The following STPG2 variants were observed in gnomAD, a reference collection of about 807,000 sequenced individuals.
STPG2 encodes sperm-tail PG-rich repeat-containing protein 2.
Under a neutral mutation model 54.2 loss-of-function variants are expected in STPG2, and 56 were observed. The ratio of observed to expected loss-of-function variants is 1.03; its 90% CI spans 0.83 to 1.29. STPG2 has a LOEUF of 1.29. Among genes scored for constraint, STPG2 ranks in the 50% most tolerant of loss-of-function variants. The pLI is 0.00. For missense variants in STPG2, 596 were observed against 544.9 expected (o/e 1.09, Z -0.93); for synonymous variants, 200 against 181.8 (o/e 1.10, Z -0.81).
chr4:97,876,983 A>G (rs6827701), intron 8 of STPG2, among the ~76,000 whole-genome samples: 3,759 of 152,212 alleles, frequency 0.025, 102 homozygotes, highest in African/African-American at 0.072. Context: ...AATAATAATT[A>G]TGTATATTTA....
chr4:97,561,129 T>G (rs374268227), intron 10 of STPG2, among the ~76,000 whole-genome samples: 3,107 of 152,134 alleles, frequency 0.02, 93 homozygotes, highest in African/African-American at 0.068. Flanking sequence ...CCTGACTTTT[T>G]AATGATTGCC....
chr4:97,714,112 G>C (rs774870464), intron 9 of STPG2, among the ~76,000 whole-genome samples: 1 of 152,086 alleles, frequency 6.6e-6, no homozygotes, highest in Non-Finnish European at 1.5e-5. Context: ...CAGTGAAATA[G>C]AAGAGTAGAT....
intron 10 of STPG2, among the ~76,000 whole-genome samples, chr4:97,690,561 C>T (rs1405905387): frequency 6.6e-6 from 1 of 152,034 alleles, no homozygotes; most frequent in African/African-American, 2.4e-5. Flanking sequence ...ATATTCTTAA[C>T]CAGTACTGAG....
At chr4:97,595,336 G>A (rs143216066) in intron 10 of STPG2, among the ~76,000 whole-genome samples, 2,634 of 147,482 alleles carry the variant, frequency 0.018, 68 homozygotes, top group African/African-American at 0.066. Context: ...CATTCTCAGC[G>A]AACTATCGCA....
At chr4:97,747,627 A>G (rs2149043034) in intron 9 of STPG2, among the ~76,000 whole-genome samples, 1 of 151,232 alleles carries the variant, frequency 6.6e-6, no homozygotes, top group Non-Finnish European at 1.5e-5. Flanking sequence ...CATTCTTGGG[A>G]GTATCTTTTT....
chr4:97,768,602 G>C (rs1325297605), intron 9 of STPG2, among the ~76,000 whole-genome samples: 1 of 152,170 alleles, frequency 6.6e-6, no homozygotes, highest in Non-Finnish European at 1.5e-5. Context: ...GGAAGGTGTA[G>C]TTTTTGGCCC....
intron 9 of STPG2, among the ~76,000 whole-genome samples, chr4:97,738,804 A>C (rs1420115974): frequency 6.6e-6 from 1 of 152,148 alleles, no homozygotes; most frequent in East Asian, 1.9e-4. Context: ...ACAGATCAAC[A>C]AGACAGAAAG....
intron 10 of STPG2, among the ~76,000 whole-genome samples, chr4:97,597,697 A>G (rs1733335769): frequency 6.6e-6 from 1 of 152,228 alleles, no homozygotes; most frequent in African/African-American, 2.4e-5. Flanking sequence ...TTCATGTTAA[A>G]AACTCTCAAC....
At chr4:97,612,742 T>C (rs1000316951) in intron 10 of STPG2, among the ~76,000 whole-genome samples, 10 of 151,998 alleles carry the variant, frequency 6.6e-5, no homozygotes, top group African/African-American at 2.4e-4. Context: ...CGGATCTCAA[T>C]TATAAGTAGT....
intron 9 of STPG2, among the ~76,000 whole-genome samples, chr4:97,723,091 C>A (rs542455210): frequency 7.8e-4 from 118 of 151,402 alleles, no homozygotes; most frequent in African/African-American, 2.8e-3. Context: ...GGATTACAGG[C>A]GTGAGCCACC....
chr4:97,454,430 G>A (rs547995385), intron 4 of STPG2, among the ~76,000 whole-genome samples: 170 of 148,034 alleles, frequency 1.1e-3, no homozygotes, highest in East Asian at 5.3e-3. Flanking sequence ...GGAGAATGGC[G>A]TGAACCCGGG....
At chr4:97,966,154 CT>C (rs1734089470) in intron 7 of STPG2, among the ~76,000 whole-genome samples, 1 of 152,122 alleles carries the variant, frequency 6.6e-6, no homozygotes, top group Non-Finnish European at 1.5e-5. Flanking sequence ...AGACGAATGG[CT>C]AACTAGAATA....
At chr4:98,004,970 T>TA (rs70953102) in intron 5 of STPG2, among the ~76,000 whole-genome samples, 1,950 of 142,456 alleles carry the variant, frequency 0.014, 38 homozygotes, top group East Asian at 0.059. Flanking sequence ...TCTTTGCTGT[T>TA]AAAAAAAAAA....
intron 4 of STPG2, among the ~76,000 whole-genome samples, chr4:97,477,617 C>T (rs1322867350): frequency 1.3e-5 from 2 of 151,382 alleles, no homozygotes; most frequent in Non-Finnish European, 2.9e-5. Context: ...GCTGGGACTA[C>T]AGGCGCCTGC....
At chr4:97,610,022 C>A (rs1392217172) in intron 10 of STPG2, among the ~76,000 whole-genome samples, 1 of 151,900 alleles carries the variant, frequency 6.6e-6, no homozygotes, top group Non-Finnish European at 1.5e-5. Context: ...GTTCACTAAG[C>A]AAATCTTCCA....
chr4:97,492,301 G>A (rs374666296), intron 4 of STPG2, among the ~76,000 whole-genome samples: 1 of 151,282 alleles, frequency 6.6e-6, no homozygotes, highest in Non-Finnish European at 1.5e-5. Flanking sequence ...AATTCAATGA[G>A]CCTCTTGCCA....
chr4:97,824,554 A>G (rs1728194239), intron 9 of STPG2, among the ~76,000 whole-genome samples: 1 of 152,200 alleles, frequency 6.6e-6, no homozygotes, highest in Admixed American at 6.5e-5. Context: ...TTAGGGCCCC[A>G]TAAGCCCTCT....
intron 10 of STPG2, among the ~76,000 whole-genome samples, chr4:97,568,476 A>T (rs1732512321): frequency 6.6e-6 from 1 of 152,090 alleles, no homozygotes; most frequent in Non-Finnish European, 1.5e-5. Flanking sequence ...GTATTGACAT[A>T]TATATGTGTG....
intron 4 of STPG2, among the ~76,000 whole-genome samples, chr4:97,448,887 A>G (rs1281640721): frequency 1.3e-5 from 2 of 152,072 alleles, no homozygotes; most frequent in African/African-American, 4.8e-5. Context: ...AAATGGACTG[A>G]GCTGAGGATA....
Sources: gnomAD v4.1 joint callset for allele counts (sites outside exome capture counted in the v4.1 genomes callset) on GRCh38, gnomAD v4.1.1 for gene constraint, MANE v1.5 for transcripts, NCBI Gene and HGNC (gene_info 2026-07-23, HGNC 2026-07-21) for gene names.